RGS6: variants seen among roughly 807,000 people sequenced by gnomAD.
The protein encoded by RGS6 is regulator of G-protein signaling 6.
A neutral mutation model predicts 78.5 loss-of-function variants in RGS6; 30 were observed. That is an observed-to-expected ratio of 0.38 (90% confidence interval 0.29 to 0.52). The LOEUF is 0.52. Ranked by LOEUF, RGS6 falls within the 20% of genes least tolerant of loss-of-function variation. RGS6 has a pLI of 0.85. For missense variants in RGS6, 495 were observed against 609.7 expected, an observed-to-expected ratio of 0.81 and a Z score of 1.98; for synonymous variants, 206 against 206.0, an observed-to-expected ratio of 1.00 and a Z score of 0.00.
At chr14:72,359,151 C>T (rs1645108532) in intron 3 of RGS6, among the ~76,000 whole-genome samples, 1 of 152,186 alleles carries the variant, frequency 6.6e-6, no homozygotes, top group African/African-American at 2.4e-5. Flanking sequence ...GCTGTACTGT[C>T]TGTCAATTAA....
At chr14:72,166,391 CAAAG>C (rs965644163) in intron 2 of RGS6, among the ~76,000 whole-genome samples, 45 of 152,084 alleles carry the variant, frequency 3.0e-4, no homozygotes, top group African/African-American at 1.0e-3. Context: ...ATTTATATGA[CAAAG>C]AAAATTTCTA....
intron 1 of RGS6, among the ~76,000 whole-genome samples, chr14:71,956,397 A>AGT (rs1056886042): frequency 1.2e-4 from 18 of 151,244 alleles, no homozygotes; most frequent in African/African-American, 2.9e-4. Context: ...TATATATAAC[A>AGT]GTGTGTGTGT....
chr14:72,513,388 G>A (rs2096902164), intron 14 of RGS6, among the ~76,000 whole-genome samples: 1 of 152,084 alleles, frequency 6.6e-6, no homozygotes, highest in African/African-American at 2.4e-5. Context: ...ATGAGGGTGG[G>A]GGCATCATCT....
intron 7 of RGS6, among the ~76,000 whole-genome samples, chr14:72,467,164 C>T (rs2153276385): frequency 6.6e-6 from 1 of 152,092 alleles, no homozygotes; most frequent in African/African-American, 2.4e-5. Context: ...AAATTTTTCC[C>T]CCAAACTGAA....
intron 17 of RGS6, chr14:72,550,548 C>T (rs2153531173): frequency 6.5e-7 from 1 of 1,535,684 alleles, no homozygotes; most frequent in East Asian, 2.4e-5. Flanking sequence ...CAAGACAACA[C>T]TTAACCCAAC....
chr14:71,885,246 G>T, the RGS6 span, among the ~76,000 whole-genome samples: 3 of 152,052 alleles, frequency 2.0e-5, no homozygotes, highest in Non-Finnish European at 4.4e-5. Context: ...CTACTCCGTC[G>T]ACACTAAAGA....
chr14:72,608,316 G>A, the RGS6 span, among the ~76,000 whole-genome samples: 36 of 152,232 alleles, frequency 2.4e-4, no homozygotes, highest in Non-Finnish European at 1.5e-4. Context: ...ACCAATTCCC[G>A]CATGGACCAG....
At chr14:72,545,207 C>A (rs556002349) in intron 17 of RGS6, among the ~76,000 whole-genome samples, 1 of 152,348 alleles carries the variant, frequency 6.6e-6, no homozygotes, top group East Asian at 1.9e-4. Flanking sequence ...ACCACTGGGT[C>A]ACAAACATTA....
chr14:72,178,349 G>A (rs1301074046), intron 2 of RGS6, among the ~76,000 whole-genome samples: 2 of 152,124 alleles, frequency 1.3e-5, no homozygotes, highest in Non-Finnish European at 2.9e-5. Flanking sequence ...TCTGCAGGAG[G>A]GACACCCCTT....
At chr14:71,974,737 C>T (rs2094013191) in intron 2 of RGS6, among the ~76,000 whole-genome samples, 1 of 151,908 alleles carries the variant, frequency 6.6e-6, no homozygotes, top group African/African-American at 2.4e-5. Flanking sequence ...GTGATTTTTT[C>T]CATTGCTCTT....
chr14:71,935,271 C>T (rs968991364), intron 1 of RGS6, among the ~76,000 whole-genome samples: 4 of 152,048 alleles, frequency 2.6e-5, no homozygotes, highest in African/African-American at 9.7e-5. Context: ...GCTATTGAAA[C>T]AGTTCAGGAA....
chr14:72,036,455 C>A (rs1024782790), intron 2 of RGS6, among the ~76,000 whole-genome samples: 1 of 152,120 alleles, frequency 6.6e-6, no homozygotes, highest in South Asian at 2.1e-4. Flanking sequence ...GGTAGATGTG[C>A]CTGTAACTTT....
the RGS6 span, among the ~76,000 whole-genome samples, chr14:71,881,529 C>A: frequency 6.6e-6 from 1 of 152,136 alleles, no homozygotes; most frequent in African/African-American, 2.4e-5. Flanking sequence ...GTAGTGAATA[C>A]GTCTCAAGAG....
intron 2 of RGS6, among the ~76,000 whole-genome samples, chr14:72,039,005 A>G (rs1596445855): frequency 6.6e-6 from 1 of 152,210 alleles, no homozygotes; most frequent in Non-Finnish European, 1.5e-5. Context: ...GAAAGCATTC[A>G]GTCTTCATCA....
At chr14:72,304,393 CTA>C (rs2066774091) in intron 2 of RGS6, among the ~76,000 whole-genome samples, 1 of 152,184 alleles carries the variant, frequency 6.6e-6, no homozygotes, top group Non-Finnish European at 1.5e-5. Flanking sequence ...GCACAGAACT[CTA>C]TAGTATGAAT....
At chr14:72,237,175 A>G (rs570430892) in intron 2 of RGS6, among the ~76,000 whole-genome samples, 1 of 152,228 alleles carries the variant, frequency 6.6e-6, no homozygotes, top group Admixed American at 6.5e-5. Flanking sequence ...TGCATATGTC[A>G]GTAATCTGTA....
chr14:71,918,177 C>G, the RGS6 span, among the ~76,000 whole-genome samples: 2 of 80,268 alleles, frequency 2.5e-5, no homozygotes, highest in African/African-American at 9.3e-5. Flanking sequence ...GAGCAAGACT[C>G]CAGTCTCAAA....
intron 2 of RGS6, among the ~76,000 whole-genome samples, chr14:72,212,727 C>T (rs920806612): frequency 6.6e-6 from 1 of 152,154 alleles, no homozygotes; most frequent in Non-Finnish European, 1.5e-5. Context: ...AGGAGTGATT[C>T]TCTAGTCTTG....
At chr14:72,124,363 A>G (rs2096134429) in intron 2 of RGS6, among the ~76,000 whole-genome samples, 1 of 152,182 alleles carries the variant, frequency 6.6e-6, no homozygotes, top group African/African-American at 2.4e-5. Flanking sequence ...GGCTTAATCA[A>G]GGTTTTTTCT....
Sources: allele counts gnomAD v4.1 joint callset (sites outside exome capture counted in the v4.1 genomes callset), GRCh38; gene constraint gnomAD v4.1.1; transcripts MANE v1.5; gene names NCBI Gene and HGNC (gene_info 2026-07-23, HGNC 2026-07-21).